Variants in SPAST observed in about 807,000 individuals in gnomAD.
SPAST encodes the protein spastic paraplegia 4 (autosomal dominant; spastin).
Under a neutral mutation model 76.6 loss-of-function variants are expected in SPAST, and 30 were observed. The observed-to-expected ratio is 0.39, with a 90% CI of 0.29 to 0.53. SPAST has a LOEUF of 0.53. Among genes scored for constraint, SPAST ranks in the 20% least tolerant of loss-of-function variants. The pLI is 0.68. For missense variants in SPAST, 717 were observed against 770.5 expected (o/e 0.93, Z 0.82); for synonymous variants, 305 against 281.0 (o/e 1.09, Z -0.86).
intron 4 of SPAST, among the ~76,000 whole-genome samples, 197 bp downstream of exon 4, chr2:32,099,088 T>A (rs1678025133): frequency 6.6e-6 from 1 of 152,232 alleles, no homozygotes; most frequent in Non-Finnish European, 1.5e-5. Flanking sequence ...CATTCTAAAC[T>A]TGCTTTATTT....
intron 7 of SPAST, among the ~76,000 whole-genome samples, chr2:32,119,262 T>A (rs1016085570): frequency 6.6e-6 from 1 of 152,190 alleles, no homozygotes; most frequent in Non-Finnish European, 1.5e-5. Context: ...AAAATGAATC[T>A]TGTTAAGCCT....
At chr2:32,070,768 T>C (rs1676718273) in intron 1 of SPAST, among the ~76,000 whole-genome samples, 1 of 152,238 alleles carries the variant, frequency 6.6e-6, no homozygotes, top group Non-Finnish European at 1.5e-5. Flanking sequence ...TAGCTGGGTC[T>C]ACAGACATAT....
At position 32,076,220 on chromosome 2, in the gene SPAST, GATAA is replaced by G. The variant is rs1290358539; in HGVS notation, c.416-11267_416-11264del. Among the ~76,000 whole-genome samples the G allele has an allele frequency of 2.0e-5, 3 of 151,880 alleles. No individual in the cohort carries two copies. In the East Asian group the frequency reaches 5.8e-4, roughly 29 times the overall value. ...CTGGCCACAGAAATTTTTTGAAGAA[GATAA>G]ATAAGGTGACATTTTTAAGGGTCAA... is the stretch of plus-strand genomic sequence containing the variant. On this transcript the variant is annotated intron_variant, in intron 1 of 16. Coordinates refer to ENST00000315285, the MANE Select transcript of SPAST (RefSeq NM_014946.4).
intron 1 of SPAST, among the ~76,000 whole-genome samples, chr2:32,070,802 T>A (rs372878096): frequency 2.0e-5 from 3 of 152,214 alleles, no homozygotes; most frequent in Non-Finnish European, 4.4e-5. Context: ...GCTGATTTTT[T>A]AATTTTTTGT....
At position 32,155,408 on chromosome 2, in the gene SPAST, A is replaced by C. The variant is rs780293429; in HGVS notation, c.*912A>C. 35 of 152,634 alleles carry C rather than the reference A, an allele frequency of 2.3e-4. No individual in the cohort carries two copies. The highest frequency in any genetic ancestry group is 4.3e-4 in the Non-Finnish European group (29 of 68,020). 9.5% of individuals were successfully genotyped at this position (152,634 alleles called of 1,614,324 possible). A position where few individuals can be genotyped will look rare whatever the true frequency, so the allele number is the denominator to read the frequency against. On this transcript the variant is annotated 3_prime_UTR_variant, in exon 17 of 17. Transcript: ENST00000315285. Reference sequence around the variant, plus strand: ...ATGTTTCCAGTGCAAGAGAAGGGAAATACTAGGAACTAAGACATTTCTAAT... The same window carrying C: ...ATGTTTCCAGTGCAAGAGAAGGGAACTACTAGGAACTAAGACATTTCTAAT...
At chr2:32,074,509 T>G (rs1676873227) in intron 1 of SPAST, among the ~76,000 whole-genome samples, 1 of 151,756 alleles carries the variant, frequency 6.6e-6, no homozygotes, top group African/African-American at 2.4e-5. Flanking sequence ...CTTTTTTTTT[T>G]GTTGTTTTTT....
intron 1 of SPAST, among the ~76,000 whole-genome samples, chr2:32,079,136 C>A (rs1677096297): frequency 6.6e-6 from 1 of 152,106 alleles, no homozygotes; most frequent in African/African-American, 2.4e-5. Context: ...CCACCATGCT[C>A]CACCTCTTAG....
chr2:32,102,770 G>A (rs1315698066), intron 4 of SPAST, among the ~76,000 whole-genome samples: 3 of 151,986 alleles, frequency 2.0e-5, no homozygotes, highest in East Asian at 3.9e-4. Context: ...GATGGATTAC[G>A]TTTATTGATT....
In SPAST at chr2:32,091,350, G is replaced by A. The variant is rs190020586; in HGVS notation, c.586+1745G>A. On this transcript the variant is annotated intron_variant, in intron 3 of 16. Coordinates refer to ENST00000315285, the MANE Select transcript of SPAST (RefSeq NM_014946.4). ...GGCTGGAGTGCAGTGGTGCAATCTC[G>A]GCTCAATGCACCCTCCACCTCCTGG... 6.8e-3 allele frequency among the ~76,000 whole-genome samples: 1,018 copies of A among 148,938 alleles called. 17 individuals carry two copies. The highest frequency in any genetic ancestry group is 0.023 in the African/African-American group (935 of 40,790).
At chr2:32,113,999 A>G (rs1410335471) in intron 4 of SPAST, among the ~76,000 whole-genome samples, 2 of 151,232 alleles carry the variant, frequency 1.3e-5, no homozygotes, top group Non-Finnish European at 2.9e-5. Flanking sequence ...GCTGGAGTGC[A>G]GTGGCACGAT....
intron 1 of SPAST, among the ~76,000 whole-genome samples, chr2:32,076,969 AG>A (rs1184293086): frequency 6.6e-6 from 1 of 151,836 alleles, no homozygotes; most frequent in Non-Finnish European, 1.5e-5. Context: ...TCTGTTTCCC[AG>A]GTTCAAACGA....
At chr2:32,068,664 C>G (rs1201827686) in intron 1 of SPAST, among the ~76,000 whole-genome samples, 4 of 152,160 alleles carry the variant, frequency 2.6e-5, no homozygotes, top group East Asian at 3.9e-4. Flanking sequence ...ACAACTGATG[C>G]CGTAATATGC....
intron 2 of SPAST, 148 bp from the exon 3 acceptor site, chr2:32,089,374 C>A: frequency 3.5e-6 from 2 of 568,284 alleles, no homozygotes; most frequent in South Asian, 2.0e-5. Flanking sequence ...TGTTTTCTTT[C>A]TTTTGGGTAT....
At chr2:32,147,345 G>GT (rs71407417) in intron 16 of SPAST, 87 bp downstream of exon 16, 8,637 of 161,086 alleles carry the variant, frequency 0.054, 152 homozygotes, top group South Asian at 0.07. Context: ...TGTGTGTGTG[G>GT]TTTTTTTTTT....
At chr2:32,092,602 G>C (rs1032522220) in intron 3 of SPAST, among the ~76,000 whole-genome samples, 3 of 152,174 alleles carry the variant, frequency 2.0e-5, no homozygotes, top group African/African-American at 7.2e-5. Context: ...ATGAAACTAG[G>C]CATTTAAAGA....
chr2:32,063,934 G>T lies in SPAST; in HGVS notation c.103G>T (p.Ala35Ser), dbSNP rs560002466. 1.3e-6 allele frequency: 2 copies of T among 1,540,974 alleles called. No homozygotes were observed. The highest frequency in any genetic ancestry group is 2.7e-5 in the African/African-American group (2 of 73,030). ...PPPCLAPAPPAAGPAPPPESP... is the reference protein window; with the variant it reads ...PPPCLAPAPPSAGPAPPPESP... ...CCCTTGCCTGGCCCCCGCCCCTCCC[G>T]CCGCCGGGCCGGCCCCTCCGCCCGA... Residue 35 changes from alanine (A) to serine (S), a missense_variant, in exon 1 of 17, where the codon GCC becomes TCC. Physicochemically the swap from Ala to Ser is moderately conservative, Grantham distance 99. This residue lies in a region of SPAST where 543 missense variants were observed against 445.2 expected (regional missense o/e 1.22). Coordinates refer to ENST00000315285, the MANE Select transcript of SPAST (RefSeq NM_014946.4).
intron 1 of SPAST, among the ~76,000 whole-genome samples, chr2:32,073,704 T>C (rs1404088440): frequency 6.6e-6 from 1 of 152,188 alleles, no homozygotes; most frequent in African/African-American, 2.4e-5. Flanking sequence ...AGCCTTTTTT[T>C]CTCTCGTTTG....
intron 9 of SPAST, chr2:32,128,806 G>A (rs1032016646): frequency 1.8e-5 from 6 of 341,480 alleles, no homozygotes; most frequent in African/African-American, 1.3e-4. Context: ...CCTGAGGGCT[G>A]TGAGGGAAAA....
At chr2:32,128,272 G>A in intron 8 of SPAST, 136 bp from the exon 9 acceptor site, 3 of 687,102 alleles carry the variant, frequency 4.4e-6, no homozygotes, top group South Asian at 1.6e-5. Flanking sequence ...TGGGATTACA[G>A]GCATGAGCCA....
Sources: allele counts gnomAD v4.1 joint callset (sites outside exome capture counted in the v4.1 genomes callset), GRCh38; gene constraint gnomAD v4.1.1; regional missense constraint gnomAD v4.1.1; transcripts MANE v1.5; gene names NCBI Gene and HGNC (gene_info 2026-07-23, HGNC 2026-07-21).